CXADR: variants seen among roughly 807,000 people sequenced by gnomAD.
The protein encoded by CXADR is coxsackievirus and adenovirus receptor.
CXADR carries 20 observed loss-of-function variants against 40.3 expected under a neutral mutation model. The observed-to-expected ratio is 0.50, with a 90% CI of 0.35 to 0.72. CXADR has a LOEUF of 0.72. Ranked by LOEUF, CXADR falls within the 30% of genes least tolerant of loss-of-function variation. The pLI is 0.01. For synonymous variants in CXADR, 150 were observed against 161.3 expected, an observed-to-expected ratio of 0.93 and a Z score of 0.53; for missense variants, 332 against 449.1, an observed-to-expected ratio of 0.74 and a Z score of 2.36.
intron 7 of CXADR, among the ~76,000 whole-genome samples, chr21:17,584,351 A>C (rs948863899): frequency 6.6e-6 from 1 of 152,212 alleles, no homozygotes; most frequent in Non-Finnish European, 1.5e-5. Flanking sequence ...TTGGTCTGTA[A>C]CAGCGATGTG....
intron 1 of CXADR, among the ~76,000 whole-genome samples, chr21:17,524,043 C>CGTGTGT (rs200561495): frequency 1.7e-4 from 25 of 144,816 alleles, no homozygotes; most frequent in South Asian, 6.7e-4. Context: ...TGTGTGTGTG[C>CGTGTGT]GTGTGTGTGT....
chr21:17,622,762 C>A, the CXADR span, among the ~76,000 whole-genome samples: 1 of 152,126 alleles, frequency 6.6e-6, no homozygotes, highest in Non-Finnish European at 1.5e-5. Flanking sequence ...AAATATTGAA[C>A]TATCATGGAG....
At chr21:17,519,188 T>C (rs1227657765) in intron 1 of CXADR, among the ~76,000 whole-genome samples, 1 of 152,244 alleles carries the variant, frequency 6.6e-6, no homozygotes, top group Non-Finnish European at 1.5e-5. Flanking sequence ...TCTCCATCGA[T>C]TACCAACTTA....
rs1345315392 is a variant in CXADR, at chr21:17,565,545, G to A, written c.951G>A (p.Gln317=). 6.2e-7 allele frequency: 1 copy of A among 1,613,790 alleles called. No homozygotes were observed. The highest frequency in any genetic ancestry group is 8.5e-7 in the Non-Finnish European group (1 of 1,179,860). The change falls in exon 7 of 7, where the codon CAG becomes CAA. Residue 317 remains glutamine (Q), a synonymous_variant. Transcript: ENST00000284878. ...ACATGGAAGGATATTCCAAGACTCA[G>A]TATAACCAAGTACCAAGTGAAGACT... The part of the protein sequence containing the change: ...PSNMEGYSKT[Q]YNQVPSEDFE...
chr21:17,589,280 A>G (rs1005026635), intron 7 of CXADR, among the ~76,000 whole-genome samples: 3 of 152,074 alleles, frequency 2.0e-5, no homozygotes, highest in Non-Finnish European at 4.4e-5. Context: ...CCACATTGCA[A>G]TTGTTTAATT....
At chr21:17,540,067 T>C (rs2060807598) in intron 1 of CXADR, among the ~76,000 whole-genome samples, 1 of 152,220 alleles carries the variant, frequency 6.6e-6, no homozygotes, top group African/African-American at 2.4e-5. Flanking sequence ...GTTTGGTTTC[T>C]GGTGAGGGCC....
At position 17,561,354 on chromosome 21, in the gene CXADR, A is replaced by C; in HGVS notation, c.711A>C (p.Gly237=). ...TTATTTTAGCTTCAAATAAAGCTGG[A>C]CTAATTGCAGGAGCCATTATAGGAA... ...LNVVPPSNKA[G]LIAGAIIGTL... The change falls in exon 6 of 7, where the codon GGA becomes GGC. Residue 237 remains glycine, a synonymous_variant. Coordinates refer to ENST00000284878, the MANE Select transcript of CXADR (RefSeq NM_001338.5). The C allele has an allele frequency of 6.3e-7, 1 of 1,587,382 alleles. No individual in the cohort carries two copies. The highest frequency in any genetic ancestry group is 8.6e-7 in the Non-Finnish European group (1 of 1,166,234).
chr21:17,604,052 A>G, the CXADR span: 1 of 1,084,362 alleles, frequency 9.2e-7, no homozygotes, highest in Admixed American at 3.9e-5. Context: ...TTTCATACCT[A>G]GCACTGATCT....
chr21:17,525,253 G>A (rs1410217329), intron 1 of CXADR, among the ~76,000 whole-genome samples: 1 of 152,162 alleles, frequency 6.6e-6, no homozygotes, highest in Non-Finnish European at 1.5e-5. Context: ...AGTGGAATGG[G>A]AATGGTTTTA....
At chr21:17,518,272 CAAAA>C (rs1319438728) in intron 1 of CXADR, among the ~76,000 whole-genome samples, 2 of 151,780 alleles carry the variant, frequency 1.3e-5, no homozygotes, top group Admixed American at 6.6e-5. Flanking sequence ...AAACCAAAAA[CAAAA>C]AAACCAGGAA....
At chr21:17,610,448 T>G in the CXADR span, among the ~76,000 whole-genome samples, 2 of 152,344 alleles carry the variant, frequency 1.3e-5, no homozygotes, top group South Asian at 4.1e-4. Context: ...AGTGGATCTA[T>G]CAGGACATAT....
At chr21:17,635,728 TCTAA>T in the CXADR span, among the ~76,000 whole-genome samples, 1 of 152,232 alleles carries the variant, frequency 6.6e-6, no homozygotes, top group African/African-American at 2.4e-5. Flanking sequence ...CAAAATGTCC[TCTAA>T]CTTTGTTCTT....
At position 17,547,138 on chromosome 21, in the gene CXADR, C is replaced by T. The variant is rs749210959; in HGVS notation, c.155C>T (p.Pro52Leu). ...KFTLSPEDQG[P>L]LDIEWLISPA... is the part of the protein sequence containing the mutation. ...ACGCTTAGTCCCGAAGACCAGGGAC[C>T]GCTGGACATCGAGTGGCTGATATCA... Residue 52 changes from proline to leucine, a missense_variant, in exon 2 of 7, where the codon CCG (proline) becomes CTG (leucine). Physicochemically the swap from Pro to Leu is moderately conservative, Grantham distance 98 (BLOSUM62 -3). This residue lies in a region of CXADR where 162 missense variants were observed against 198.5 expected (regional missense o/e 0.82). Transcript: ENST00000284878. The T allele has an allele frequency of 5.0e-6, 8 of 1,614,098 alleles. No individual in the cohort carries two copies. Among genetic ancestry groups the T allele is most frequent in the East Asian group, 4.5e-5 (2 of 44,874 alleles).
chr21:17,530,114 A>ATTTTTTTTTTTTTTTTTT lies in CXADR; in HGVS notation c.44-16912_44-16895dup, dbSNP rs56341807. 3.6e-3 allele frequency among the ~76,000 whole-genome samples: 337 copies of ATTTTTTTTTTTTTTTTTT among 94,894 alleles called. 1 individual carries two copies. The highest frequency in any genetic ancestry group is 5.1e-3 in the Non-Finnish European group (266 of 51,946). 62.3% of individuals were successfully genotyped at this position (94,894 alleles called of 152,430 possible). Reference sequence around the variant, plus strand: ...CAGGCGCATGCCACCATGCCAGGCTATTTTTTTTTTTTTTTTTTGTATTTT... The same window carrying ATTTTTTTTTTTTTTTTTT: ...CAGGCGCATGCCACCATGCCAGGCTATTTTTTTTTTTTTTTTTTTTTTTTTTTTTTTTTTTTGTATTTT... On this transcript the variant is annotated intron_variant, in intron 1 of 6. Transcript: ENST00000284878.
At chr21:17,518,581 TC>T in intron 1 of CXADR, 1 of 1,255,532 alleles carries the variant, frequency 8.0e-7, no homozygotes, top group Non-Finnish European at 1.2e-6. Context: ...AACATCATCA[TC>T]CTCCTCATCA....
Position 17,565,732 on chromosome 21 carries a change from C to T in CXADR, c.*40C>T. Reference sequence around the variant, plus strand: ...TCATCTGTGCTCTCCGTGTTCCTTTCCTTTTTTTGATATATGAAAACCTAT... The same window carrying T: ...TCATCTGTGCTCTCCGTGTTCCTTTTCTTTTTTTGATATATGAAAACCTAT... On this transcript the variant is annotated 3_prime_UTR_variant, in exon 7 of 7. Transcript: ENST00000284878. The T allele has an allele frequency of 1.9e-6, 3 of 1,577,592 alleles. No homozygotes were observed. The highest frequency in any genetic ancestry group is 2.6e-6 in the Non-Finnish European group (3 of 1,162,670).
chr21:17,559,191 GGTGT>G, intron 4 of CXADR, 60 bp downstream of exon 4: 1 of 1,559,462 alleles, frequency 6.4e-7, no homozygotes, highest in Non-Finnish European at 8.8e-7. Context: ...ATCTAGTAGG[GGTGT>G]GTGTGTGATT....
intron 5 of CXADR, 145 bp downstream of exon 5, chr21:17,560,969 A>G (rs2061110243): frequency 7.6e-7 from 1 of 1,320,956 alleles, no homozygotes; most frequent in Non-Finnish European, 1.0e-6. Context: ...TTTTCTAGAA[A>G]AATACATTTT....
chr21:17,542,416 G>C (rs576655351), intron 1 of CXADR, among the ~76,000 whole-genome samples: 4 of 152,268 alleles, frequency 2.6e-5, no homozygotes, highest in African/African-American at 9.6e-5. Flanking sequence ...GATCTTCTAA[G>C]GCCTTAGTAG....
Sources: gnomAD v4.1 joint callset for allele counts (sites outside exome capture counted in the v4.1 genomes callset) on GRCh38, gnomAD v4.1.1 for gene constraint, gnomAD v4.1.1 regional missense constraint, MANE v1.5 for transcripts, NCBI Gene and HGNC (gene_info 2026-07-23, HGNC 2026-07-21) for gene names.